KCNQ1OT1: variants seen among roughly 807,000 people sequenced by gnomAD.
KCNQ1OT1 encodes KCNQ1 antisense RNA 2 (non-protein coding).
chr11:2,676,917 A>G lies in KCNQ1OT1; in HGVS notation n.23078T>C, dbSNP rs1850304429. 2.5e-6 allele frequency: 1 copy of G among 398,628 alleles called. No individual in the cohort carries two copies. The highest frequency in any genetic ancestry group is 4.4e-6 in the Non-Finnish European group (1 of 226,064). The allele number at this position is 398,628 out of a possible 1,614,324, so 24.7% of individuals were successfully genotyped here. A position where few individuals can be genotyped will look rare whatever the true frequency, so the allele number is the denominator to read the frequency against. Reference sequence around the variant, plus strand: ...GCCCCAGTGTGCACCACTTAAAAGGAAGACACTGGTATGTTCTGGAGATGG... The same window carrying G: ...GCCCCAGTGTGCACCACTTAAAAGGGAGACACTGGTATGTTCTGGAGATGG... On this transcript the variant is annotated non_coding_transcript_exon_variant, in exon 1 of 1. Coordinates refer to ENST00000597346, the Ensembl canonical transcript of KCNQ1OT1. This position sits in a 1 kb window ranked among gnomAD's most constrained non-coding sequence, Gnocchi z 4.2.
In KCNQ1OT1 at chr11:2,664,531, C is replaced by T. The variant is rs534577047; in HGVS notation, n.35464G>A. Reference sequence around the variant, plus strand: ...CACCCTGTTTCCTCAGGGCCCAAACCGCCTGGCGGCAGGGGTGTGGGGGCC... The same window carrying T: ...CACCCTGTTTCCTCAGGGCCCAAACTGCCTGGCGGCAGGGGTGTGGGGGCC... On this transcript the variant is annotated non_coding_transcript_exon_variant, in exon 1 of 1. Coordinates refer to ENST00000597346, the Ensembl canonical transcript of KCNQ1OT1. The surrounding 1 kb of genome is among the most constrained non-coding windows in gnomAD (Gnocchi z 5.1). 2.0e-5 allele frequency: 8 copies of T among 398,758 alleles called. No individual in the cohort carries two copies. Among genetic ancestry groups the T allele is most frequent in the South Asian group, 1.3e-4 (1 of 7,862 alleles). 24.7% of individuals were successfully genotyped at this position (398,758 alleles called of 1,614,324 possible).
In KCNQ1OT1 at chr11:2,612,549, C is replaced by G. The variant is rs1345819568; in HGVS notation, n.87446G>C. 2 of 398,334 alleles carry G rather than the reference C, an allele frequency of 5.0e-6. No individual in the cohort carries two copies. Among genetic ancestry groups the G allele is most frequent in the Non-Finnish European group, 8.8e-6 (2 of 226,050 alleles). 24.7% of individuals were successfully genotyped at this position (398,334 alleles called of 1,614,324 possible). A position where few individuals can be genotyped will look rare whatever the true frequency, so the allele number is the denominator to read the frequency against. The stretch of plus-strand genomic sequence containing the variant: ...TTAGCCGCACTAGTGAGTTTTTCAC[C>G]TAAGTTATTATATTTCACAACTACA... On this transcript the variant is annotated non_coding_transcript_exon_variant, in exon 1 of 1. Transcript: ENST00000597346. The surrounding 1 kb of genome is among the most constrained non-coding windows in gnomAD (Gnocchi z 5.5).
rs1849649601 is a variant in KCNQ1OT1, at chr11:2,645,329, G to T, written n.54666C>A. ...GTGCCAACAATACTGGATAGGGCAG[G>T]GTGATCCCTAGGCCCAGAGATGGTA... On this transcript the variant is annotated non_coding_transcript_exon_variant, in exon 1 of 1. Coordinates refer to ENST00000597346, the Ensembl canonical transcript of KCNQ1OT1. The surrounding 1 kb of genome is among the most constrained non-coding windows in gnomAD (Gnocchi z 5.8). The T allele has an allele frequency of 5.0e-6, 2 of 398,758 alleles. No homozygotes were observed. Among genetic ancestry groups the T allele is most frequent in the East Asian group, 7.1e-5 (2 of 28,064 alleles). The allele number at this position is 398,758 out of a possible 1,614,324, so 24.7% of individuals were successfully genotyped here.
At chr11:2,618,307 C>G (rs1191600939) in exon 1 of KCNQ1OT1, 2 of 398,254 alleles carry the variant, frequency 5.0e-6, no homozygotes, top group East Asian at 7.1e-5. Context: ...AGCTGATGGG[C>G]TAAAAAAATG....
chr11:2,663,095 G>A lies in KCNQ1OT1; in HGVS notation n.36900C>T, dbSNP rs1849998632. 4 of 398,552 alleles carry A rather than the reference G, an allele frequency of 1.0e-5. No homozygotes were observed. Among genetic ancestry groups the A allele is most frequent in the Non-Finnish European group, 1.8e-5 (4 of 226,118 alleles). The allele number at this position is 398,552 out of a possible 1,614,324, so 24.7% of individuals were successfully genotyped here. On this transcript the variant is annotated non_coding_transcript_exon_variant, in exon 1 of 1. Transcript: ENST00000597346. The surrounding 1 kb of genome is among the most constrained non-coding windows in gnomAD (Gnocchi z 5.2). ...GTAGCCAGAATGAGGCCACCTCCAG[G>A]GAAGGAGTGGCTATCTTAAGGGGTA...
At chr11:2,660,740 T>C (rs1393777984) in exon 1 of KCNQ1OT1, 1 of 398,514 alleles carries the variant, frequency 2.5e-6, no homozygotes, top group Non-Finnish European at 4.4e-6. Context: ...CATTCAGGCA[T>C]GGATGTGGGA....
chr11:2,645,337 C>G lies in KCNQ1OT1; in HGVS notation n.54658G>C, dbSNP rs764124993. The G allele has an allele frequency of 2.5e-5, 10 of 398,606 alleles. No individual in the cohort carries two copies. Among genetic ancestry groups the G allele is most frequent in the Non-Finnish European group, 4.4e-5 (10 of 226,198 alleles). 24.7% of individuals were successfully genotyped at this position (398,606 alleles called of 1,614,324 possible). On this transcript the variant is annotated non_coding_transcript_exon_variant, in exon 1 of 1. Transcript: ENST00000597346. The surrounding 1 kb of genome is among the most constrained non-coding windows in gnomAD (Gnocchi z 5.8). ...AATACTGGATAGGGCAGGGTGATCC[C>G]TAGGCCCAGAGATGGTATGCGCTGG...
rs978639203 is a variant in KCNQ1OT1 at position 2,642,459 on chromosome 11, C to A, written n.57536G>T. 5.0e-6 allele frequency: 2 copies of A among 397,786 alleles called. No homozygotes were observed. The highest frequency in any genetic ancestry group is 4.4e-5 in the Admixed American group (1 of 22,692). The allele number at this position is 397,786 out of a possible 1,614,324, so 24.6% of individuals were successfully genotyped here. On this transcript the variant is annotated non_coding_transcript_exon_variant, in exon 1 of 1. Transcript: ENST00000597346. The surrounding 1 kb of genome is among the most constrained non-coding windows in gnomAD (Gnocchi z 4.3). ...GATTTTTAAATCCTGTAACTGTAAT[C>A]AATTTATTGATCAGACTGAAGAGTT...
At chr11:2,689,800 C>T (rs182314024) in exon 1 of KCNQ1OT1, 24 of 398,726 alleles carry the variant, frequency 6.0e-5, no homozygotes, top group Middle Eastern at 6.3e-4. Context: ...GGAAGCACTG[C>T]GTTCTCAGTG....
chr11:2,624,408 CT>C lies in KCNQ1OT1; in HGVS notation n.75586del. 1 of 398,416 alleles carries C rather than the reference CT, an allele frequency of 2.5e-6. No individual in the cohort carries two copies. Among genetic ancestry groups the C allele is most frequent in the Non-Finnish European group, 4.4e-6 (1 of 226,002 alleles). 24.7% of individuals were successfully genotyped at this position (398,416 alleles called of 1,614,324 possible). On this transcript the variant is annotated non_coding_transcript_exon_variant, in exon 1 of 1. Coordinates refer to ENST00000597346, the Ensembl canonical transcript of KCNQ1OT1. The surrounding 1 kb of genome is among the most constrained non-coding windows in gnomAD (Gnocchi z 4.9). Reference sequence around the variant, plus strand: ...GACAGTATGTTTTACAGAGCAGAAACTTTTATTTTTAACAAAGTCTAGCTTA... The same window carrying C: ...GACAGTATGTTTTACAGAGCAGAAACTTTATTTTTAACAAAGTCTAGCTTA...
chr11:2,655,815 A>C, exon 1 of KCNQ1OT1: 1 of 398,612 alleles, frequency 2.5e-6, no homozygotes, highest in East Asian at 3.6e-5. Flanking sequence ...AGTCTCCAAC[A>C]CACAAGCCAG....
In KCNQ1OT1 at chr11:2,645,582, C is replaced by T. The variant is rs1338008829; in HGVS notation, n.54413G>A. On this transcript the variant is annotated non_coding_transcript_exon_variant, in exon 1 of 1. Coordinates refer to ENST00000597346, the Ensembl canonical transcript of KCNQ1OT1. The surrounding 1 kb of genome is among the most constrained non-coding windows in gnomAD (Gnocchi z 5.8). Reference sequence around the variant, plus strand: ...CAGCAGCTATAAACAGGCAGTTGGGCAATGCATGCTTCGGCCCCAGGTGGT... The same window carrying T: ...CAGCAGCTATAAACAGGCAGTTGGGTAATGCATGCTTCGGCCCCAGGTGGT... The T allele has an allele frequency of 7.5e-6, 3 of 398,548 alleles. No homozygotes were observed. The highest frequency in any genetic ancestry group is 4.4e-5 in the Admixed American group (1 of 22,714). The allele number at this position is 398,548 out of a possible 1,614,324, so 24.7% of individuals were successfully genotyped here. A position where few individuals can be genotyped will look rare whatever the true frequency, so the allele number is the denominator to read the frequency against.
exon 1 of KCNQ1OT1, chr11:2,667,850 T>C (rs546016852): frequency 5.0e-5 from 20 of 398,542 alleles, no homozygotes; most frequent in Non-Finnish European, 8.0e-5. Context: ...TAAAGGGTAA[T>C]GTGCATGCAC....
exon 1 of KCNQ1OT1, chr11:2,685,182 GCCC>G: frequency 2.5e-6 from 1 of 398,656 alleles, no homozygotes; most frequent in Non-Finnish European, 4.4e-6. Flanking sequence ...TGCATGGAAT[GCCC>G]CCTTCGTGGG....
exon 1 of KCNQ1OT1, chr11:2,631,403 T>C (rs1344661772): frequency 7.5e-6 from 3 of 398,478 alleles, no homozygotes; most frequent in Non-Finnish European, 1.3e-5. Flanking sequence ...TCATGCACTA[T>C]ATTCTTCACC....
At chr11:2,643,887 T>A (rs938109850) in exon 1 of KCNQ1OT1, 19 of 398,450 alleles carry the variant, frequency 4.8e-5, no homozygotes, top group Non-Finnish European at 8.4e-5. Context: ...GCTGGCAGGT[T>A]TTTGGTTTTG....
rs535461207 is a variant in KCNQ1OT1, at chr11:2,620,042, T to G, written n.79953A>C. On this transcript the variant is annotated non_coding_transcript_exon_variant, in exon 1 of 1. Coordinates refer to ENST00000597346, the Ensembl canonical transcript of KCNQ1OT1. This position sits in a 1 kb window ranked among gnomAD's most constrained non-coding sequence, Gnocchi z 4.5. ...TTCCTCCCCCAAGTAGTCCCCAGTG[T>G]CTACTGATCATCTTTATGTCCATGT... The G allele has an allele frequency of 9.8e-5, 39 of 398,276 alleles. 2 individuals carry two copies. The South Asian group carries it at 4.2e-3, about 43-fold the overall frequency. The allele number at this position is 398,276 out of a possible 1,614,324, so 24.7% of individuals were successfully genotyped here. A position where few individuals can be genotyped will look rare whatever the true frequency, so the allele number is the denominator to read the frequency against.
At position 2,626,040 on chromosome 11, in the gene KCNQ1OT1, T is replaced by A. The variant is rs1018214468; in HGVS notation, n.73955A>T. On this transcript the variant is annotated non_coding_transcript_exon_variant, in exon 1 of 1. Coordinates refer to ENST00000597346, the Ensembl canonical transcript of KCNQ1OT1. This position sits in a 1 kb window ranked among gnomAD's most constrained non-coding sequence, Gnocchi z 4.0. ...TTTTAATGCACACAATGTAAATTTT[T>A]AAAATTTATCTAGTTTTACTTTTAT... 10 of 398,556 alleles carry A rather than the reference T, an allele frequency of 2.5e-5. No individual in the cohort carries two copies. Among genetic ancestry groups the A allele is most frequent in the African/African-American group, 1.8e-4 (9 of 48,662 alleles). 24.7% of individuals were successfully genotyped at this position (398,556 alleles called of 1,614,324 possible). A position where few individuals can be genotyped will look rare whatever the true frequency, so the allele number is the denominator to read the frequency against.
At chr11:2,643,595 A>T in exon 1 of KCNQ1OT1, 1 of 398,486 alleles carries the variant, frequency 2.5e-6, no homozygotes, top group Middle Eastern at 6.3e-4. Context: ...CATGTTTTTA[A>T]GTCCATTCAG....
Sources: gnomAD v4.1 joint callset for allele counts on GRCh38, gnomAD v4.1.1 for gene constraint, Gnocchi (gnomAD v3.1) non-coding constraint, MANE v1.5 for transcripts, NCBI Gene and HGNC (gene_info 2026-07-23, HGNC 2026-07-21) for gene names.